The following ETNPPL variants were observed in gnomAD, a reference collection of about 807,000 sequenced individuals.
ETNPPL encodes the protein ethanolamine-phosphate phospho-lyase.
Under a neutral mutation model 55.5 loss-of-function variants are expected in ETNPPL, and 30 were observed. That is an observed-to-expected ratio of 0.54 (90% CI 0.40 to 0.73). The LOEUF (loss-of-function observed/expected upper bound fraction) is 0.73. Among genes scored for constraint, ETNPPL ranks in the 30% least tolerant of loss-of-function variants. The pLI is 0.00. For missense variants in ETNPPL, 528 were observed against 607.9 expected, an observed-to-expected ratio of 0.87 and a Z score of 1.38; for synonymous variants, 202 against 207.2, an observed-to-expected ratio of 0.98 and a Z score of 0.21.
chr4:108,754,146 G>C (rs1388642572), intron 5 of ETNPPL, among the ~76,000 whole-genome samples: 2 of 151,504 alleles, frequency 1.3e-5, no homozygotes, highest in Non-Finnish European at 2.9e-5. Context: ...GCTAATTTTT[G>C]TACTTTTTTT....
In ETNPPL at chr4:108,747,148, A is replaced by AT. The variant is rs1491176665; in HGVS notation, c.1083-298_1083-297insA. Reference sequence around the variant, plus strand: ...ATTATATATATATATATATATATATAATATATATATATATATTATATATAT... The same window carrying AT: ...ATTATATATATATATATATATATATATATATATATATATATATTATATATAT... On this transcript the variant is annotated intron_variant, in intron 9 of 12. Transcript: ENST00000296486. 8.5e-3 allele frequency among the ~76,000 whole-genome samples: 302 copies of AT among 35,346 alleles called. 38 individuals are homozygous for AT. The highest frequency in any genetic ancestry group is 0.029 in the African/African-American group (141 of 4,862). The allele number at this position is 35,346 out of a possible 152,430, so 23.2% of individuals were successfully genotyped here. A position where few individuals can be genotyped will look rare whatever the true frequency, so the allele number is the denominator to read the frequency against.
At chr4:108,759,135 T>C (rs977548748) in intron 3 of ETNPPL, among the ~76,000 whole-genome samples, 1 of 152,100 alleles carries the variant, frequency 6.6e-6, no homozygotes, top group African/African-American at 2.4e-5. Context: ...ATTGGGGAAA[T>C]ATGCTCAATT....
chr4:108,747,125 T>A (rs1313980504), intron 9 of ETNPPL, among the ~76,000 whole-genome samples: 6 of 21,028 alleles, frequency 2.9e-4, no homozygotes, highest in Admixed American at 4.9e-4. Flanking sequence ...ATGTTAACAT[T>A]ATATATATAT....
chr4:108,747,877 T>C, intron 9 of ETNPPL, 128 bp downstream of exon 9: 1 of 700,182 alleles, frequency 1.4e-6, no homozygotes, highest in South Asian at 1.9e-5. Flanking sequence ...TATTTGTGTG[T>C]GCCACCACAC....
chr4:108,748,969 G>A (rs776653379), intron 8 of ETNPPL, among the ~76,000 whole-genome samples: 11 of 152,104 alleles, frequency 7.2e-5, no homozygotes, highest in South Asian at 2.1e-4. Context: ...TCTAGATGAC[G>A]GGTTGATAGG....
At chr4:108,759,332 C>T (rs942265627) in intron 3 of ETNPPL, among the ~76,000 whole-genome samples, 6 of 130,538 alleles carry the variant, frequency 4.6e-5, no homozygotes, top group Admixed American at 1.9e-4. Context: ...ACCTGGGAAG[C>T]GGAGCTTGCA....
At chr4:108,758,469 G>A (rs951097034) in intron 3 of ETNPPL, among the ~76,000 whole-genome samples, 33 of 152,068 alleles carry the variant, frequency 2.2e-4, no homozygotes, top group African/African-American at 7.7e-4. Flanking sequence ...AAAAGTTGGG[G>A]CCAGGCACGG....
At chr4:108,749,502 T>C in intron 7 of ETNPPL, 39 bp from the exon 8 acceptor site, 1 of 1,496,410 alleles carries the variant, frequency 6.7e-7, no homozygotes, top group Non-Finnish European at 9.3e-7. Context: ...TTCAGGTCAC[T>C]GAGATCCCCA....
intron 12 of ETNPPL, among the ~76,000 whole-genome samples, chr4:108,742,955 G>A (rs1219519718): frequency 6.6e-6 from 1 of 152,114 alleles, no homozygotes; most frequent in Non-Finnish European, 1.5e-5. Flanking sequence ...GTGATTCTTA[G>A]ACTTGATAAA....
rs1179875600 is a variant in ETNPPL, at chr4:108,748,056, G to T, written c.1031C>A (p.Thr344Asn). Residue 344 changes from threonine to asparagine, a missense_variant, in exon 9 of 13, where the codon ACT (threonine) becomes AAT (asparagine). By Grantham distance (65) the Thr-to-Asn change is moderately conservative (BLOSUM62 0). Coordinates refer to ENST00000296486, the MANE Select transcript of ETNPPL (RefSeq NM_031279.4). ...AGCCTTCTGTTTTTTCAGTAACTCA[G>T]TGAGATAATTCCCTACTCTCTTGGC... ...GNAKRVGNYLTELLKKQKAKH... is the reference protein window; with the variant it reads ...GNAKRVGNYLNELLKKQKAKH... The T allele has an allele frequency of 6.2e-7, 1 of 1,611,412 alleles. No homozygotes were observed. The highest frequency in any genetic ancestry group is 1.1e-5 in the South Asian group (1 of 90,664).
intron 6 of ETNPPL, 84 bp downstream of exon 6, chr4:108,752,811 T>C (rs1728974508): frequency 1.3e-6 from 1 of 796,954 alleles, no homozygotes; most frequent in Non-Finnish European, 2.1e-6. Context: ...GATATAATCC[T>C]TTTCCATCTC....
At position 108,746,818 on chromosome 4, in the gene ETNPPL, C is replaced by T. The variant is rs1183346802; in HGVS notation, c.1116G>A (p.Val372=). ...GIGLFIGIDL[V]KDHLKRTPAT... Reference sequence around the variant, plus strand: ...CAGGGGTCCTTTTCAGATGGTCCTTCACTAAATCAATTCCAATAAAAAGGC... The same window carrying T: ...CAGGGGTCCTTTTCAGATGGTCCTTTACTAAATCAATTCCAATAAAAAGGC... Residue 372 remains valine, a synonymous_variant, in exon 10 of 13, where the codon GTG becomes GTA. Coordinates refer to ENST00000296486, the MANE Select transcript of ETNPPL (RefSeq NM_031279.4). 1.2e-6 allele frequency: 2 copies of T among 1,613,680 alleles called. No homozygotes were observed. Among genetic ancestry groups the T allele is most frequent in the African/African-American group, 1.3e-5 (1 of 74,810 alleles).
In ETNPPL at chr4:108,762,933, G is replaced by GTGCAAGC. The variant is rs1246001107; in HGVS notation, c.-36_-35insGCTTGCA. 6.2e-7 allele frequency: 1 copy of GTGCAAGC among 1,606,222 alleles called. No homozygotes were observed. The highest frequency in any genetic ancestry group is 8.5e-7 in the Non-Finnish European group (1 of 1,173,192). ...GTGCAGGGCGCTGCGAAGGTGCAAGGTGCAAGGTCTGCGCGCCTCCTACGC... is the reference window on the plus strand; with the variant it reads ...GTGCAGGGCGCTGCGAAGGTGCAAGGTGCAAGCTGCAAGGTCTGCGCGCCTCCTACGC... On this transcript the variant is annotated 5_prime_UTR_variant, in exon 1 of 13. Transcript: ENST00000296486.
chr4:108,762,736 G>A lies in ETNPPL; in HGVS notation c.56+107C>T. 3 of 1,359,004 alleles carry A rather than the reference G, an allele frequency of 2.2e-6. No individual in the cohort carries two copies. The East Asian group carries it at 6.9e-5, about 31-fold the overall frequency. The allele number at this position is 1,359,004 out of a possible 1,614,324, so 84.2% of individuals were successfully genotyped here. ...CGTGCACAGGCGCGGCGGGCACGGA[G>A]TGCGGCTGCAGCGCATCGTTTGTTC... On this transcript the variant is annotated intron_variant, in intron 1 of 12. Transcript: ENST00000296486.
chr4:108,749,724 T>A (rs1031301531), intron 7 of ETNPPL, among the ~76,000 whole-genome samples: 15 of 152,104 alleles, frequency 9.9e-5, no homozygotes, highest in Non-Finnish European at 1.9e-4. Context: ...TATTTTTTTT[T>A]AAGAGATGGG....
At chr4:108,758,932 C>A (rs1267281276) in intron 3 of ETNPPL, among the ~76,000 whole-genome samples, 9 of 152,070 alleles carry the variant, frequency 5.9e-5, no homozygotes, top group Non-Finnish European at 1.5e-5. Context: ...GCTTGTAATC[C>A]CAGCTACTCA....
Position 108,742,590 on chromosome 4 carries a change from T to C in ETNPPL, c.1394A>G (p.Glu465Gly). 2 of 1,614,134 alleles carry C rather than the reference T, an allele frequency of 1.2e-6. No individual in the cohort carries two copies. The highest frequency in any genetic ancestry group is 2.2e-5 in the South Asian group (2 of 91,082). ...KTKMLKEAHI[E>G]LLRDSTTDSK... The stretch of plus-strand genomic sequence containing the variant: ...GTCAGTGGTGCTGTCCCTAAGCAGT[T>C]CTATGTGGGCTTCTTTCAGCATCTG... The change falls in exon 13 of 13, where the codon GAA becomes GGA. Residue 465 changes from glutamate (E) to glycine (G), a missense_variant. Coordinates refer to ENST00000296486, the MANE Select transcript of ETNPPL (RefSeq NM_031279.4).
intron 12 of ETNPPL, among the ~76,000 whole-genome samples, chr4:108,743,089 A>G (rs1478006227): frequency 6.6e-6 from 1 of 152,204 alleles, no homozygotes; most frequent in African/African-American, 2.4e-5. Context: ...TTAATCATGA[A>G]AAAAGACTTT....
chr4:108,745,466 C>T (rs1026384820), intron 11 of ETNPPL, among the ~76,000 whole-genome samples: 6 of 151,822 alleles, frequency 4.0e-5, no homozygotes, highest in African/African-American at 1.5e-4. Flanking sequence ...TGGTGGCATG[C>T]TCCTGTAGTC....
Sources: gnomAD v4.1 joint callset for allele counts (sites outside exome capture counted in the v4.1 genomes callset) on GRCh38, gnomAD v4.1.1 for gene constraint, MANE v1.5 for transcripts, NCBI Gene and HGNC (gene_info 2026-07-23, HGNC 2026-07-21) for gene names.